Variants in PRKN observed in about 807,000 individuals in gnomAD.
PRKN encodes parkin RBR E3 ubiquitin protein ligase, also known as E3 ubiquitin-protein ligase parkin.
In PRKN, 56 loss-of-function variants were observed where a neutral mutation model predicts 59.5. The observed-to-expected ratio is 0.94, with a 90% CI of 0.76 to 1.18. The LOEUF is 1.18. PRKN is among the 50% of genes most tolerant of loss of function. The probability of loss-of-function intolerance (pLI) is 0.00; values close to 1 mark genes in which losing one functional copy is unlikely to be tolerated. For missense variants in PRKN, 657 were observed against 596.4 expected (o/e 1.10, Z -1.06); for synonymous variants, 250 against 222.1 (o/e 1.13, Z -1.12).
chr6:162,618,908 G>A lies in PRKN; in HGVS notation c.7+108754C>T, dbSNP rs115199984. ...AGCCATACTCTCTCAGGGCATCAGAGTAAGGAACAGCTGGATGACTCCAAC... is the reference window on the plus strand; with the variant it reads ...AGCCATACTCTCTCAGGGCATCAGAATAAGGAACAGCTGGATGACTCCAAC... On this transcript the variant is annotated intron_variant, in intron 1 of 11. Transcript: ENST00000366898. Among the ~76,000 whole-genome samples the A allele has an allele frequency of 8.5e-3, 1,293 of 152,314 alleles. 19 individuals are homozygous for A. Among genetic ancestry groups the A allele is most frequent in the African/African-American group, 0.029 (1,218 of 41,562 alleles).
intron 2 of PRKN, among the ~76,000 whole-genome samples, chr6:162,329,391 T>C (rs1330286854): frequency 6.6e-6 from 1 of 152,090 alleles, no homozygotes; most frequent in Admixed American, 6.5e-5. Flanking sequence ...TCCATATCGA[T>C]GGCTCCTTTT....
chr6:161,715,305 G>GA (rs1463716225), intron 7 of PRKN, among the ~76,000 whole-genome samples: 6 of 152,016 alleles, frequency 3.9e-5, no homozygotes, highest in Admixed American at 1.3e-4. Context: ...AGACTCAACA[G>GA]AAAAAATCCC....
intron 7 of PRKN, among the ~76,000 whole-genome samples, chr6:161,602,365 A>T (rs1027865429): frequency 3.3e-5 from 5 of 152,234 alleles, no homozygotes; most frequent in African/African-American, 9.6e-5. Flanking sequence ...TCTTACTAAA[A>T]CAAAACTGGG....
At chr6:161,991,327 C>T (rs1359423039) in intron 5 of PRKN, among the ~76,000 whole-genome samples, 3 of 152,098 alleles carry the variant, frequency 2.0e-5, no homozygotes, top group African/African-American at 7.2e-5. Context: ...AGAGCAGACA[C>T]ACAAAGGAGA....
chr6:162,349,882 C>T (rs182189452), intron 2 of PRKN, among the ~76,000 whole-genome samples: 113 of 152,120 alleles, frequency 7.4e-4, no homozygotes, highest in African/African-American at 2.3e-3. Context: ...TCCAGATAAA[C>T]AAAAGACATC....
intron 1 of PRKN, among the ~76,000 whole-genome samples, chr6:162,544,795 G>A (rs113573345): frequency 0.023 from 3,443 of 148,446 alleles, 151 homozygotes; most frequent in African/African-American, 0.079. Context: ...CTCCTGCCTC[G>A]GCCTCCTGAG....
intron 10 of PRKN, among the ~76,000 whole-genome samples, chr6:161,382,141 A>ATC (rs1786020923): frequency 6.7e-6 from 1 of 149,694 alleles, no homozygotes; most frequent in African/African-American, 2.4e-5. Context: ...AAATCAAAAC[A>ATC]AAAACAAACA....
intron 9 of PRKN, among the ~76,000 whole-genome samples, chr6:161,449,475 G>A (rs893127854): frequency 3.3e-5 from 5 of 152,136 alleles, no homozygotes; most frequent in South Asian, 2.1e-4. Flanking sequence ...AACTCTGAAC[G>A]TACTCAGGGC....
At chr6:162,572,689 A>C (rs971955134) in intron 1 of PRKN, among the ~76,000 whole-genome samples, 10 of 152,234 alleles carry the variant, frequency 6.6e-5, no homozygotes, top group African/African-American at 2.4e-4. Context: ...CTATTGAAAG[A>C]AAGCATTAAA....
intron 6 of PRKN, among the ~76,000 whole-genome samples, chr6:161,850,741 A>G (rs1425444848): frequency 6.6e-6 from 1 of 152,178 alleles, no homozygotes; most frequent in Non-Finnish European, 1.5e-5. Flanking sequence ...CTCATGAGGA[A>G]TTTAGTCTAA....
chr6:162,711,436 C>A (rs546545440), intron 1 of PRKN, among the ~76,000 whole-genome samples: 28 of 102,308 alleles, frequency 2.7e-4, no homozygotes, highest in South Asian at 2.1e-3. Flanking sequence ...AAAAAAAAAA[C>A]CAGGAAAAGT....
chr6:162,027,930 G>T (rs529831448), intron 5 of PRKN, among the ~76,000 whole-genome samples: 47 of 151,670 alleles, frequency 3.1e-4, no homozygotes, highest in Middle Eastern at 3.4e-3. Context: ...TTGGAGTGTG[G>T]TTTATATTCA....
At chr6:162,495,152 T>G (rs1793000825) in intron 1 of PRKN, among the ~76,000 whole-genome samples, 1 of 152,226 alleles carries the variant, frequency 6.6e-6, no homozygotes, top group Non-Finnish European at 1.5e-5. Flanking sequence ...TACATAAATT[T>G]TCCTCTTTCA....
At chr6:162,124,359 C>G (rs1201108732) in intron 4 of PRKN, among the ~76,000 whole-genome samples, 1 of 152,184 alleles carries the variant, frequency 6.6e-6, no homozygotes, top group East Asian at 1.9e-4. Context: ...CCAGTGGGAT[C>G]TGTCTTTCCC....
At chr6:161,855,335 A>G (rs987429068) in intron 6 of PRKN, among the ~76,000 whole-genome samples, 1 of 152,182 alleles carries the variant, frequency 6.6e-6, no homozygotes, top group Admixed American at 6.5e-5. Flanking sequence ...CTCATATATC[A>G]GACATCTAAC....
chr6:162,146,468 C>CAT (rs35921902), intron 4 of PRKN, among the ~76,000 whole-genome samples: 10,832 of 149,888 alleles, frequency 0.072, 698 homozygotes, highest in East Asian at 0.39. Context: ...ATATACTAAA[C>CAT]ATATATATAT....
chr6:162,398,398 T>TTTTG (rs150676939), intron 2 of PRKN, among the ~76,000 whole-genome samples: 86,596 of 151,172 alleles, frequency 0.57, 26,395 homozygotes, highest in African/African-American at 0.78. Flanking sequence ...TCTTTTTGTT[T>TTTTG]TTTTTTTTTG....
intron 5 of PRKN, among the ~76,000 whole-genome samples, chr6:162,035,014 A>C (rs1222768000): frequency 6.6e-6 from 1 of 152,200 alleles, no homozygotes; most frequent in African/African-American, 2.4e-5. Flanking sequence ...CTGTACAAGA[A>C]GCATGTCACC....
chr6:161,974,024 T>C (rs1478719187), intron 5 of PRKN, among the ~76,000 whole-genome samples: 3 of 152,212 alleles, frequency 2.0e-5, no homozygotes, highest in Admixed American at 6.5e-5. Context: ...CCCAGCACTT[T>C]GGGAGGTTGA....
Sources: gnomAD v4.1 joint callset for allele counts (sites outside exome capture counted in the v4.1 genomes callset) on GRCh38, gnomAD v4.1.1 for gene constraint, MANE v1.5 for transcripts, NCBI Gene and HGNC (gene_info 2026-07-23, HGNC 2026-07-21) for gene names.